Variants in PLXNA4 observed in about 807,000 individuals in gnomAD.
PLXNA4 encodes plexin A4.
A neutral mutation model predicts 191.8 loss-of-function variants in PLXNA4; 44 were observed. That is an observed-to-expected ratio of 0.23 (90% CI 0.18 to 0.29). The LOEUF (loss-of-function observed/expected upper bound fraction) is 0.29, where lower values mean the gene tolerates loss of function less well. Among genes scored for constraint, PLXNA4 ranks in the 10% least tolerant of loss-of-function variants. The pLI is 1.00. For missense variants in PLXNA4, 1,800 were observed against 2,488.8 expected, an observed-to-expected ratio of 0.72 and a Z score of 5.89; for synonymous variants, 1,082 against 1,009.5, an observed-to-expected ratio of 1.07 and a Z score of -1.36.
intron 30 of PLXNA4, among the ~76,000 whole-genome samples, chr7:132,135,895 C>T (rs1375725972): frequency 1.3e-5 from 2 of 152,130 alleles, no homozygotes; most frequent in East Asian, 1.9e-4. Context: ...ACGTCTGTGG[C>T]CACATACTAT....
At chr7:132,267,413 C>A (rs7806471) in intron 4 of PLXNA4, among the ~76,000 whole-genome samples, 1,869 of 152,268 alleles carry the variant, frequency 0.012, 33 homozygotes, top group African/African-American at 0.042. Context: ...AGGGGTGTGC[C>A]CAGCTCACAG....
At chr7:132,165,228 G>A (rs202217914) in intron 22 of PLXNA4, 28 bp from the exon 23 acceptor site, 46 of 1,605,040 alleles carry the variant, frequency 2.9e-5, no homozygotes, top group East Asian at 1.3e-4. Context: ...GGGAACCAAC[G>A]GAACAAGACA....
In PLXNA4 at chr7:132,129,903, C is replaced by T. The variant is rs1794877245; in HGVS notation, c.*576G>A. Reference sequence around the variant, plus strand: ...CTGCCCACACATGCCCTGCTCCAGCCACATGCAGGAGGTGTAGCCTTTCTT... The same window carrying T: ...CTGCCCACACATGCCCTGCTCCAGCTACATGCAGGAGGTGTAGCCTTTCTT... On this transcript the variant is annotated 3_prime_UTR_variant, in exon 32 of 32. Coordinates refer to ENST00000321063, the MANE Select transcript of PLXNA4 (RefSeq NM_020911.2). The T allele has an allele frequency of 6.5e-6, 1 of 154,908 alleles. No individual in the cohort carries two copies. Among genetic ancestry groups the T allele is most frequent in the African/African-American group, 2.4e-5 (1 of 41,478 alleles). 9.6% of individuals were successfully genotyped at this position (154,908 alleles called of 1,614,324 possible). A position where few individuals can be genotyped will look rare whatever the true frequency, so the allele number is the denominator to read the frequency against.
At chr7:132,431,420 C>A (rs970217542) in intron 3 of PLXNA4, among the ~76,000 whole-genome samples, 2 of 152,152 alleles carry the variant, frequency 1.3e-5, no homozygotes, top group South Asian at 4.1e-4. Context: ...TAGTGAAAAC[C>A]AACAACCAGA....
chr7:132,262,971 C>A (rs1162360999), intron 4 of PLXNA4, among the ~76,000 whole-genome samples: 1 of 152,146 alleles, frequency 6.6e-6, no homozygotes, highest in Admixed American at 6.5e-5. Context: ...CTCAGTGGAA[C>A]CAATTCCTCT....
intron 1 of PLXNA4, among the ~76,000 whole-genome samples, chr7:132,564,040 CTTT>C (rs1433743927): frequency 1.5e-4 from 1 of 6,664 alleles, no homozygotes; most frequent in Non-Finnish European, 2.8e-4. Flanking sequence ...CCTTCTCCTC[CTTT>C]TCCTCCCCCT....
At chr7:132,589,022 G>A (rs534010154) in intron 2 of PLXNA4, among the ~76,000 whole-genome samples, 4 of 152,260 alleles carry the variant, frequency 2.6e-5, no homozygotes, top group African/African-American at 7.2e-5. Context: ...AAACTTCATT[G>A]TAATTGTAGA....
chr7:132,195,072 A>G (rs1337718792), intron 13 of PLXNA4, among the ~76,000 whole-genome samples: 1 of 152,192 alleles, frequency 6.6e-6, no homozygotes, highest in Non-Finnish European at 1.5e-5. Context: ...GTACACACAT[A>G]TGTATATTTA....
intron 10 of PLXNA4, among the ~76,000 whole-genome samples, chr7:132,207,866 G>A (rs1797677236): frequency 1.3e-5 from 2 of 152,210 alleles, no homozygotes; most frequent in Admixed American, 6.5e-5. Flanking sequence ...GGGGTAGAAA[G>A]TGCCCTTCGC....
intron 3 of PLXNA4, among the ~76,000 whole-genome samples, chr7:132,464,070 T>A (rs922961627): frequency 6.6e-6 from 1 of 152,226 alleles, no homozygotes; most frequent in Admixed American, 6.5e-5. Context: ...TGAATTGCAA[T>A]GTTACTAGGA....
chr7:132,625,870 G>T (rs1314472123), intron 2 of PLXNA4, among the ~76,000 whole-genome samples: 1 of 152,144 alleles, frequency 6.6e-6, no homozygotes, highest in Admixed American at 6.5e-5. Flanking sequence ...CAAAAATCCT[G>T]CTCTCACGGA....
At chr7:132,187,367 T>G in intron 15 of PLXNA4, 104 bp downstream of exon 15, 1 of 1,501,758 alleles carries the variant, frequency 6.7e-7, no homozygotes, top group Admixed American at 2.2e-5. Flanking sequence ...GTCAGGTGGT[T>G]ACACCCTCCC....
At chr7:132,247,164 G>A (rs900363581) in intron 4 of PLXNA4, among the ~76,000 whole-genome samples, 6 of 152,088 alleles carry the variant, frequency 3.9e-5, no homozygotes, top group Non-Finnish European at 8.8e-5. Flanking sequence ...ATTCTGAAGG[G>A]TGCCTGCTGT....
chr7:132,563,220 T>TC (rs1801415945), intron 1 of PLXNA4, among the ~76,000 whole-genome samples: 1 of 35,326 alleles, frequency 2.8e-5, no homozygotes, highest in Non-Finnish European at 5.4e-5. Flanking sequence ...TCCTCCTCCT[T>TC]CTCCTCCTCT....
chr7:132,296,575 G>A (rs373684544), intron 4 of PLXNA4, among the ~76,000 whole-genome samples: 3 of 151,876 alleles, frequency 2.0e-5, no homozygotes, highest in Admixed American at 1.3e-4. Flanking sequence ...ACCTGGCTCC[G>A]TTTATATTTT....
At position 132,508,911 on chromosome 7, in the gene PLXNA4, G is replaced by A. The variant is rs1798598039; in HGVS notation, c.-86-132C>T. On this transcript the variant is annotated intron_variant, in intron 1 of 31. Transcript: ENST00000321063. This position sits in a 1 kb window ranked among gnomAD's most constrained non-coding sequence, Gnocchi z 4.4. The stretch of plus-strand genomic sequence containing the variant: ...ACTGCACTGGGGGGTGCTGGAGGCT[G>A]ACTGAGTCAACCCCCACCACGGGCA... 1 of 924,198 alleles carries A rather than the reference G, an allele frequency of 1.1e-6. No individual in the cohort carries two copies. The highest frequency in any genetic ancestry group is 1.5e-6 in the Non-Finnish European group (1 of 666,950). The allele number at this position is 924,198 out of a possible 1,614,324, so 57.2% of individuals were successfully genotyped here.
At chr7:132,413,134 T>G (rs1794526821) in intron 3 of PLXNA4, among the ~76,000 whole-genome samples, 1 of 152,150 alleles carries the variant, frequency 6.6e-6, no homozygotes. Flanking sequence ...ATACTATTCT[T>G]CCCTGAGTGT....
chr7:132,129,372 G>C lies in PLXNA4; in HGVS notation c.*1107C>G, dbSNP rs1794863011. 1 of 152,274 alleles carries C rather than the reference G, an allele frequency of 6.6e-6. No individual in the cohort carries two copies. The highest frequency in any genetic ancestry group is 1.5e-5 in the Non-Finnish European group (1 of 68,074). The allele number at this position is 152,274 out of a possible 1,614,324, so 9.4% of individuals were successfully genotyped here. ...GCAATGGCACCGGATTCTGCAGAGG[G>C]AACAGGGACTAGGCTGTTGGCCCCA... On this transcript the variant is annotated 3_prime_UTR_variant, in exon 32 of 32. Coordinates refer to ENST00000321063, the MANE Select transcript of PLXNA4 (RefSeq NM_020911.2).
At chr7:132,638,380 G>A (rs1375255636) in intron 2 of PLXNA4, among the ~76,000 whole-genome samples, 1 of 152,214 alleles carries the variant, frequency 6.6e-6, no homozygotes. Flanking sequence ...GGCCGGGCAT[G>A]GTGGCTCACG....
Sources: gnomAD v4.1 joint callset for allele counts (sites outside exome capture counted in the v4.1 genomes callset) on GRCh38, gnomAD v4.1.1 for gene constraint, Gnocchi (gnomAD v3.1) non-coding constraint, MANE v1.5 for transcripts, NCBI Gene and HGNC (gene_info 2026-07-23, HGNC 2026-07-21) for gene names.